BCAS1: variants seen among roughly 807,000 people sequenced by gnomAD.
BCAS1 encodes the protein breast carcinoma-amplified sequence 1.
A neutral mutation model predicts 65.4 loss-of-function variants in BCAS1; 46 were observed. The observed-to-expected ratio is 0.70, with a 90% CI of 0.55 to 0.90. The LOEUF (loss-of-function observed/expected upper bound fraction) is 0.90, where lower values mean the gene tolerates loss of function less well. BCAS1 is among the 40% of genes least tolerant of loss of function. BCAS1 has a pLI of 0.00. For missense variants in BCAS1, 793 were observed against 771.2 expected, an observed-to-expected ratio of 1.03 and a Z score of -0.33; for synonymous variants, 298 against 293.5, an observed-to-expected ratio of 1.02 and a Z score of -0.16.
At chr20:54,033,530 C>T (rs961828581) in intron 3 of BCAS1, among the ~76,000 whole-genome samples, 4 of 151,160 alleles carry the variant, frequency 2.6e-5, no homozygotes, top group African/African-American at 9.7e-5. Context: ...TCTCTATGCA[C>T]ATAAACTAGA....
intron 12 of BCAS1, among the ~76,000 whole-genome samples, chr20:53,948,604 G>A (rs1188506796): frequency 7.9e-5 from 12 of 152,056 alleles, no homozygotes; most frequent in Admixed American, 7.9e-4. Context: ...GCCTCACTGG[G>A]ACTCCACCTT....
At chr20:53,967,148 C>CAA in intron 9 of BCAS1, 75 bp from the exon 10 acceptor site, 1 of 1,492,572 alleles carries the variant, frequency 6.7e-7, no homozygotes, top group Non-Finnish European at 9.2e-7. Context: ...AAAGTGGGGT[C>CAA]CTTGTTGCCC....
chr20:54,053,416 A>C (rs924342521), intron 3 of BCAS1, among the ~76,000 whole-genome samples: 1 of 152,188 alleles, frequency 6.6e-6, no homozygotes, highest in Non-Finnish European at 1.5e-5. Flanking sequence ...TTTTAGTTTA[A>C]AAGAGGTATT....
chr20:53,982,776 A>C (rs2090515484), intron 8 of BCAS1, among the ~76,000 whole-genome samples: 1 of 152,220 alleles, frequency 6.6e-6, no homozygotes, highest in Admixed American at 6.5e-5. Flanking sequence ...ATAAGCTAGG[A>C]AAGGGCAGAC....
chr20:53,983,457 A>C (rs985206549), intron 8 of BCAS1, among the ~76,000 whole-genome samples: 21 of 152,320 alleles, frequency 1.4e-4, no homozygotes, highest in African/African-American at 5.0e-4. Context: ...ACTGAGACTC[A>C]AAGTCAGAGC....
At chr20:54,016,501 T>C (rs2091442208) in intron 4 of BCAS1, among the ~76,000 whole-genome samples, 1 of 152,216 alleles carries the variant, frequency 6.6e-6, no homozygotes, top group Non-Finnish European at 1.5e-5. Context: ...GTTTGAAATG[T>C]ACAGTAAACT....
chr20:53,997,789 C>T (rs1328693927), intron 4 of BCAS1, among the ~76,000 whole-genome samples: 1 of 152,094 alleles, frequency 6.6e-6, no homozygotes, highest in East Asian at 1.9e-4. Flanking sequence ...CAGGTTGGTG[C>T]ATGTGGTTGT....
intron 4 of BCAS1, among the ~76,000 whole-genome samples, chr20:54,012,980 T>C (rs1329244869): frequency 6.6e-6 from 1 of 152,222 alleles, no homozygotes; most frequent in Non-Finnish European, 1.5e-5. Flanking sequence ...TCCTTTCCTA[T>C]TTTAAGTTCC....
chr20:53,962,851 AT>A (rs912730850), intron 10 of BCAS1, among the ~76,000 whole-genome samples: 1 of 151,806 alleles, frequency 6.6e-6, no homozygotes, highest in Non-Finnish European at 1.5e-5. Context: ...TACTTTTCCT[AT>A]TTTTATTTAT....
intron 3 of BCAS1, among the ~76,000 whole-genome samples, chr20:54,046,914 G>A (rs868222788): frequency 4.6e-5 from 7 of 152,118 alleles, no homozygotes; most frequent in African/African-American, 1.4e-4. Context: ...GATGTCTGGA[G>A]CCACAGCTGG....
In BCAS1 at chr20:53,966,992, C is replaced by T. The variant is rs763574716; in HGVS notation, c.1399G>A (p.Asp467Asn). 1 of 1,613,374 alleles carries T rather than the reference C, an allele frequency of 6.2e-7. No homozygotes were observed. The highest frequency in any genetic ancestry group is 1.7e-5 in the Admixed American group (1 of 59,910). ...GCTTCTGTGGGTTCAGGTGCAGCAT[C>T]TCCTTCGTTGAGGTCCACTGTTTGT... ...ALQTVDLNEG[D>N]AAPEPTEAKL... Residue 467 changes from aspartate (D) to asparagine (N), a missense_variant, in exon 10 of 13, where the codon GAT (aspartate) becomes AAT (asparagine). By Grantham distance (23) the Asp-to-Asn change is conservative. Transcript: ENST00000688948.
chr20:54,019,757 C>A (rs1007291828), intron 4 of BCAS1, among the ~76,000 whole-genome samples: 12 of 152,200 alleles, frequency 7.9e-5, no homozygotes, highest in African/African-American at 2.9e-4. Flanking sequence ...GTGCTGGATG[C>A]TTCCTGCTCT....
At chr20:54,044,986 C>A (rs972968269) in intron 3 of BCAS1, among the ~76,000 whole-genome samples, 1 of 151,110 alleles carries the variant, frequency 6.6e-6, no homozygotes, top group African/African-American at 2.4e-5. Context: ...CAAGGAGGGA[C>A]AGTCACTTGA....
chr20:54,057,616 G>A lies in BCAS1; in HGVS notation c.142+469C>T, dbSNP rs570843389. Among the ~76,000 whole-genome samples the A allele has an allele frequency of 2.2e-4, 33 of 152,328 alleles. 3 individuals carry two copies. The South Asian group carries it at 4.8e-3, about 22-fold the overall frequency. ...TCATATTGCCCCCAAAGATGCTGAA[G>A]TCCTAACCCCCTGTGAATGTGACCT... is the stretch of plus-strand genomic sequence containing the variant. On this transcript the variant is annotated intron_variant, in intron 3 of 12. Transcript: ENST00000688948.
intron 10 of BCAS1, among the ~76,000 whole-genome samples, chr20:53,961,310 T>G (rs1197864143): frequency 6.6e-6 from 1 of 152,222 alleles, no homozygotes; most frequent in African/African-American, 2.4e-5. Context: ...GGCTGAAAAT[T>G]TAATATATGG....
chr20:54,036,874 A>G lies in BCAS1; in HGVS notation c.143-7902T>C, dbSNP rs141696471. On this transcript the variant is annotated intron_variant, in intron 3 of 12. Transcript: ENST00000688948. Reference sequence around the variant, plus strand: ...AAACAGTAGTGATATAAATCAATTTATCTTAAGAAACATAAGTATCTGGGC... The same window carrying G: ...AAACAGTAGTGATATAAATCAATTTGTCTTAAGAAACATAAGTATCTGGGC... Among the ~76,000 whole-genome samples the G allele has an allele frequency of 5.1e-4, 78 of 151,500 alleles. 5 individuals are homozygous for G. Among genetic ancestry groups the G allele is most frequent in the Middle Eastern group, 3.5e-3 (1 of 288 alleles).
intron 4 of BCAS1, among the ~76,000 whole-genome samples, chr20:54,022,766 T>C (rs1398501667): frequency 5.3e-5 from 8 of 152,226 alleles, no homozygotes. Flanking sequence ...AAATAATGAA[T>C]TATTTTAAAA....
Position 53,994,655 on chromosome 20 carries a change from T to C in BCAS1, c.927+357A>G, listed in dbSNP as rs1040756949. On this transcript the variant is annotated intron_variant, in intron 6 of 12. Coordinates refer to ENST00000688948, the MANE Select transcript of BCAS1 (RefSeq NM_001366298.2). ...CTACTTTACATGGACTGTTTTTTACTATATTCCCTGGGTCCCTCTACGCAC... is the reference window on the plus strand; with the variant it reads ...CTACTTTACATGGACTGTTTTTTACCATATTCCCTGGGTCCCTCTACGCAC... 1.6e-4 allele frequency among the ~76,000 whole-genome samples: 24 copies of C among 152,306 alleles called. 3 individuals carry two copies. The South Asian group carries it at 5.0e-3, about 32-fold the overall frequency.
At chr20:53,964,214 G>C (rs568481578) in intron 10 of BCAS1, among the ~76,000 whole-genome samples, 2 of 152,164 alleles carry the variant, frequency 1.3e-5, no homozygotes, top group Non-Finnish European at 2.9e-5. Flanking sequence ...AGAATCAGGC[G>C]GTTCTCTATC....
Sources: gnomAD v4.1 joint callset for allele counts (sites outside exome capture counted in the v4.1 genomes callset) on GRCh38, gnomAD v4.1.1 for gene constraint, MANE v1.5 for transcripts, NCBI Gene and HGNC (gene_info 2026-07-23, HGNC 2026-07-21) for gene names.